KCNQ5: variants seen among roughly 807,000 people sequenced by gnomAD.
KCNQ5 encodes the protein potassium voltage-gated channel subfamily KQT member 5.
KCNQ5 carries 30 observed loss-of-function variants against 98.2 expected under a neutral mutation model. The observed-to-expected ratio is 0.31, with a 90% CI of 0.23 to 0.41. The LOEUF (loss-of-function observed/expected upper bound fraction) is 0.41. Ranked by LOEUF, KCNQ5 falls within the 10% of genes least tolerant of loss-of-function variation. The probability of loss-of-function intolerance (pLI) is 1.00; values close to 1 mark genes in which losing one functional copy is unlikely to be tolerated. For synonymous variants in KCNQ5, 458 were observed against 449.4 expected, an observed-to-expected ratio of 1.02 and a Z score of -0.24; for missense variants, 835 against 1,182.5, an observed-to-expected ratio of 0.71 and a Z score of 4.31.
intron 10 of KCNQ5, among the ~76,000 whole-genome samples, chr6:73,142,900 G>T (rs1268870295): frequency 9.9e-5 from 15 of 152,126 alleles, no homozygotes; most frequent in African/African-American, 3.4e-4. Flanking sequence ...TGGGCGACAA[G>T]AGCAAGACTC....
chr6:73,120,577 A>G lies in KCNQ5; in HGVS notation c.1220A>G (p.Lys407Arg). 2.5e-6 allele frequency: 4 copies of G among 1,601,028 alleles called. No individual in the cohort carries two copies. The African/African-American group carries it at 5.3e-5, about 21-fold the overall frequency. Reference sequence around the variant, plus strand: ...GCCTTGCACACCTGCAGCCCTACCAAGTAGGTATCAGTGTGACAGCTGCCA... The same window carrying G: ...GCCTTGCACACCTGCAGCCCTACCAGGTAGGTATCAGTGTGACAGCTGCCA... ...LKALHTCSPTKKEQGEASSSQ... is the reference protein window; with the variant it reads ...LKALHTCSPTRKEQGEASSSQ... Residue 407 changes from lysine (K) to arginine (R), a missense_variant and splice_region_variant, in exon 8 of 14, where the codon AAG (lysine) becomes AGG (arginine). Coordinates refer to ENST00000370398, the MANE Select transcript of KCNQ5 (RefSeq NM_019842.4).
chr6:72,831,172 G>A (rs150940109), intron 1 of KCNQ5, among the ~76,000 whole-genome samples: 1,631 of 152,226 alleles, frequency 0.011, 19 homozygotes, highest in South Asian at 0.025. Flanking sequence ...ACAGTGTGGC[G>A]ATTCCTCAAG....
chr6:72,909,951 AG>A (rs1272604870), intron 1 of KCNQ5, among the ~76,000 whole-genome samples: 1 of 152,234 alleles, frequency 6.6e-6, no homozygotes, highest in Non-Finnish European at 1.5e-5. Context: ...CAGTGAGAAC[AG>A]TTCCAGGTTG....
chr6:72,920,733 T>A (rs1780355229), intron 1 of KCNQ5, among the ~76,000 whole-genome samples: 1 of 152,216 alleles, frequency 6.6e-6, no homozygotes, highest in African/African-American at 2.4e-5. Flanking sequence ...ATACTTTTTA[T>A]ATGTGTATTT....
At chr6:72,669,077 T>C (rs1766968473) in intron 1 of KCNQ5, among the ~76,000 whole-genome samples, 1 of 152,100 alleles carries the variant, frequency 6.6e-6, no homozygotes, top group African/African-American at 2.4e-5. Flanking sequence ...CATTCCATCC[T>C]ATCGCCCCAA....
At chr6:72,862,732 A>G (rs1199598939) in intron 1 of KCNQ5, among the ~76,000 whole-genome samples, 2 of 152,060 alleles carry the variant, frequency 1.3e-5, no homozygotes, top group African/African-American at 4.8e-5. Context: ...AGCTCAAGCA[A>G]TCCTCCCACC....
intron 1 of KCNQ5, among the ~76,000 whole-genome samples, chr6:72,794,413 A>G (rs900010432): frequency 6.6e-6 from 1 of 152,020 alleles, no homozygotes; most frequent in African/African-American, 2.4e-5. Flanking sequence ...ATTACTTTTT[A>G]AAGTACAGTA....
chr6:72,697,825 T>A (rs889454659), intron 1 of KCNQ5, among the ~76,000 whole-genome samples: 9 of 152,232 alleles, frequency 5.9e-5, no homozygotes, highest in Non-Finnish European at 1.2e-4. Flanking sequence ...TTATGGCGAT[T>A]ATTTCACAAT....
At chr6:72,632,558 T>A (rs1264197368) in intron 1 of KCNQ5, among the ~76,000 whole-genome samples, 1 of 152,134 alleles carries the variant, frequency 6.6e-6, no homozygotes, top group African/African-American at 2.4e-5. Context: ...AATTGTTAGT[T>A]TTTCAACCCA....
At chr6:72,954,695 A>G (rs555939183) in intron 1 of KCNQ5, among the ~76,000 whole-genome samples, 1 of 152,296 alleles carries the variant, frequency 6.6e-6, no homozygotes, top group East Asian at 1.9e-4. Context: ...GCATGATATG[A>G]CTACAAAATG....
chr6:72,651,572 C>T (rs557175955), intron 1 of KCNQ5, among the ~76,000 whole-genome samples: 4 of 152,090 alleles, frequency 2.6e-5, no homozygotes, highest in East Asian at 1.9e-4. Context: ...AAATCTCCTT[C>T]GATTTAGAAG....
intron 1 of KCNQ5, among the ~76,000 whole-genome samples, chr6:72,647,098 T>C (rs1382652165): frequency 6.6e-6 from 1 of 152,256 alleles, no homozygotes; most frequent in Non-Finnish European, 1.5e-5. Context: ...ATTCATTTAC[T>C]GTCTGTGACT....
Position 72,670,960 on chromosome 6 carries a change from A to G in KCNQ5, c.398+48373A>G, listed in dbSNP as rs577149567. On this transcript the variant is annotated intron_variant, in intron 1 of 13. Transcript: ENST00000370398. ...AGTTATATTGGGGGTTGGATATTCAATATTCAAAACACTAGAGCACAATTC... is the reference window on the plus strand; with the variant it reads ...AGTTATATTGGGGGTTGGATATTCAGTATTCAAAACACTAGAGCACAATTC... 5.3e-5 allele frequency among the ~76,000 whole-genome samples: 8 copies of G among 152,246 alleles called. No individual in the cohort carries two copies. In the East Asian group the frequency reaches 1.4e-3, roughly 26 times the overall value.
intron 1 of KCNQ5, among the ~76,000 whole-genome samples, chr6:73,001,444 G>T (rs1769564834): frequency 1.3e-5 from 2 of 152,190 alleles, no homozygotes; most frequent in South Asian, 4.1e-4. Context: ...AATTAAAACA[G>T]CATTCAAATA....
chr6:72,852,640 A>AATAAATAAATATATATATATATATATAT (rs1026407821), intron 1 of KCNQ5, among the ~76,000 whole-genome samples: 24 of 56,792 alleles, frequency 4.2e-4, no homozygotes, highest in Middle Eastern at 0.022. Flanking sequence ...ATGAAGGGGA[A>AATAAATAAATATATATATATATATATAT]ATATATATAT....
chr6:73,083,619 TA>T (rs1773866899), intron 5 of KCNQ5, among the ~76,000 whole-genome samples: 1 of 152,242 alleles, frequency 6.6e-6, no homozygotes, highest in Non-Finnish European at 1.5e-5. Flanking sequence ...TTATGTGCTT[TA>T]GGCTAAAATA....
intron 1 of KCNQ5, among the ~76,000 whole-genome samples, chr6:72,639,273 C>G (rs1005186105): frequency 1.3e-5 from 2 of 152,044 alleles, no homozygotes; most frequent in African/African-American, 4.8e-5. Flanking sequence ...CAAAGGATTG[C>G]AATGGGATAA....
Position 72,622,417 on chromosome 6 carries a change from G to A in KCNQ5, c.228G>A (p.Arg76=). 2 of 1,532,022 alleles carry A rather than the reference G, an allele frequency of 1.3e-6. No individual in the cohort carries two copies. Among genetic ancestry groups the A allele is most frequent in the African/African-American group, 2.8e-5 (2 of 71,770 alleles). 94.9% of individuals were successfully genotyped at this position (1,532,022 alleles called of 1,614,324 possible). The change falls in exon 1 of 14, where the codon AGG becomes AGA. Residue 76 remains arginine (R), a synonymous_variant. Coordinates refer to ENST00000370398, the MANE Select transcript of KCNQ5 (RefSeq NM_019842.4). This position sits in a 1 kb window ranked among gnomAD's most constrained non-coding sequence, Gnocchi z 6.0. ...TCGGTGGCGGCGGCGGTGGCCTGAG[G>A]GAGAGCCGCCGGGGCAAGCAGGGGG... is the stretch of plus-strand genomic sequence containing the variant. ...ATLGGGGGGL[R]ESRRGKQGAR...
chr6:72,660,308 G>A (rs1049335989), intron 1 of KCNQ5, among the ~76,000 whole-genome samples: 2 of 152,164 alleles, frequency 1.3e-5, no homozygotes, highest in Non-Finnish European at 2.9e-5. Flanking sequence ...TAAATTATGA[G>A]GTGGCAGAGC....
Sources: allele counts gnomAD v4.1 joint callset (sites outside exome capture counted in the v4.1 genomes callset), GRCh38; gene constraint gnomAD v4.1.1; non-coding constraint Gnocchi (gnomAD v3.1); transcripts MANE v1.5; gene names NCBI Gene and HGNC (gene_info 2026-07-23, HGNC 2026-07-21).